ADGRV1: variants seen among roughly 807,000 people sequenced by gnomAD.
The protein encoded by ADGRV1 is G-protein coupled receptor 98.
ADGRV1 carries 359 observed loss-of-function variants against 596.2 expected under a neutral mutation model. The observed-to-expected ratio is 0.60, with a 90% CI of 0.55 to 0.66. The LOEUF (loss-of-function observed/expected upper bound fraction) is 0.66. Among genes scored for constraint, ADGRV1 ranks in the 30% least tolerant of loss-of-function variants. ADGRV1 has a pLI of 0.00. For missense variants in ADGRV1, 7,274 were observed against 7,575.6 expected (o/e 0.96, Z 1.48); for synonymous variants, 2,681 against 2,679.2 (o/e 1.00, Z -0.02).
rs1462655439 is a variant in ADGRV1, at chr5:90,595,280, G to A, written c.23-19555G>A. 4.3e-4 allele frequency among the ~76,000 whole-genome samples: 25 copies of A among 58,496 alleles called. 1 individual carries two copies. The highest frequency in any genetic ancestry group is 2.3e-3 in the African/African-American group (25 of 10,842). 38.4% of individuals were successfully genotyped at this position (58,496 alleles called of 152,430 possible). A position where few individuals can be genotyped will look rare whatever the true frequency, so the allele number is the denominator to read the frequency against. On this transcript the variant is annotated intron_variant, in intron 1 of 89. Coordinates refer to ENST00000405460, the MANE Select transcript of ADGRV1 (RefSeq NM_032119.4). Reference sequence around the variant, plus strand: ...AGAGGGGCTCCTCACTTCCCAGTAGGGGCGGCCGGGCAGAGGCGCCCCTCA... The same window carrying A: ...AGAGGGGCTCCTCACTTCCCAGTAGAGGCGGCCGGGCAGAGGCGCCCCTCA...
rs1323969951 is a variant in ADGRV1, at chr5:90,840,821, C to T, written c.16855C>T (p.Leu5619Phe). Residue 5619 changes from leucine to phenylalanine, a missense_variant, in exon 78 of 90, where the codon CTT (leucine) becomes TTT (phenylalanine). Leu to Phe is a conservative substitution (Grantham distance 22). This residue lies in a region of ADGRV1 where 1,874 missense variants were observed against 1,970.2 expected (regional missense o/e 0.95). Coordinates refer to ENST00000405460, the MANE Select transcript of ADGRV1 (RefSeq NM_032119.4). ...DKVYGTANITLVSDADSQAIW... is the reference protein window; with the variant it reads ...DKVYGTANITFVSDADSQAIW... ...AGTGTATGGGACTGCCAACATCACT[C>T]TTGTCTCAGATGCAGATTCGCAGGC... 3 of 1,613,834 alleles carry T rather than the reference C, an allele frequency of 1.9e-6. No homozygotes were observed. The highest frequency in any genetic ancestry group is 2.5e-6 in the Non-Finnish European group (3 of 1,179,786).
intron 83 of ADGRV1, among the ~76,000 whole-genome samples, chr5:90,908,018 G>C (rs999100462): frequency 6.6e-6 from 1 of 151,742 alleles, no homozygotes; most frequent in African/African-American, 2.4e-5. Flanking sequence ...GCCAGGTTAA[G>C]TTTTCTATTT....
chr5:90,669,252 C>A (rs1233860685), intron 21 of ADGRV1, among the ~76,000 whole-genome samples: 1 of 152,120 alleles, frequency 6.6e-6, no homozygotes, highest in Admixed American at 6.5e-5. Context: ...GAAATTAAAT[C>A]TGATGTTGTA....
intron 61 of ADGRV1, 104 bp from the exon 62 acceptor site, chr5:90,777,801 A>G: frequency 3.8e-6 from 4 of 1,062,656 alleles, no homozygotes; most frequent in Non-Finnish European, 4.0e-6. Context: ...GAAAACTGTT[A>G]TTGAAATGGA....
Position 90,651,730 on chromosome 5 carries a change from G to T in ADGRV1, c.3416G>T (p.Trp1139Leu), listed in dbSNP as rs1768655161. The T allele has an allele frequency of 1.9e-6, 3 of 1,603,114 alleles. No homozygotes were observed. Among genetic ancestry groups the T allele is most frequent in the East Asian group, 4.5e-5 (2 of 44,692 alleles). The part of the protein sequence containing the change: ...AVEEGKTNAF[W>L]ILRHRGYFGS... ...GAAGAAGGAAAGACTAATGCATTTTGGTAAGCATATGTAGATAAGGCAAGT... is the reference window on the plus strand; with the variant it reads ...GAAGAAGGAAAGACTAATGCATTTTTGTAAGCATATGTAGATAAGGCAAGT... The change falls in exon 18 of 90, where the codon TGG (tryptophan) becomes TTG (leucine). Residue 1139 changes from tryptophan to leucine, a missense_variant and splice_region_variant. Trp to Leu is a moderately conservative substitution (Grantham distance 61). Coordinates refer to ENST00000405460, the MANE Select transcript of ADGRV1 (RefSeq NM_032119.4).
intron 83 of ADGRV1, among the ~76,000 whole-genome samples, chr5:90,876,119 C>T (rs1769195886): frequency 6.6e-6 from 1 of 152,036 alleles, no homozygotes; most frequent in Non-Finnish European, 1.5e-5. Context: ...GTATCTGATA[C>T]CACACTCCAA....
chr5:90,992,713 A>T (rs116364350), intron 85 of ADGRV1, among the ~76,000 whole-genome samples: 7 of 152,208 alleles, frequency 4.6e-5, no homozygotes, highest in Non-Finnish European at 1.0e-4. Context: ...AAGCAAAATA[A>T]TGTGATATTT....
chr5:91,069,442 GA>G (rs1205989942), intron 85 of ADGRV1, among the ~76,000 whole-genome samples: 1 of 151,976 alleles, frequency 6.6e-6, no homozygotes, highest in African/African-American at 2.4e-5. Flanking sequence ...CCAAAATGTA[GA>G]CAAAAAACAT....
chr5:91,058,449 T>G (rs922227290), intron 85 of ADGRV1, among the ~76,000 whole-genome samples: 2 of 138,892 alleles, frequency 1.4e-5, no homozygotes, highest in African/African-American at 5.3e-5. Flanking sequence ...CATAAAATCG[T>G]TAGGTAATTG....
intron 50 of ADGRV1, among the ~76,000 whole-genome samples, chr5:90,736,592 G>A (rs1753254440): frequency 6.6e-6 from 1 of 151,986 alleles, no homozygotes; most frequent in Non-Finnish European, 1.5e-5. Flanking sequence ...AAAGGCATCA[G>A]GTTCTGGGAC....
At chr5:90,853,961 G>T in intron 80 of ADGRV1, 101 bp from the exon 81 acceptor site, 1 of 810,218 alleles carries the variant, frequency 1.2e-6, no homozygotes, top group Non-Finnish European at 2.0e-6. Context: ...GAAAACAAAT[G>T]ACTGTAGCTA....
At chr5:90,908,447 G>A (rs903710019) in intron 83 of ADGRV1, among the ~76,000 whole-genome samples, 3 of 152,058 alleles carry the variant, frequency 2.0e-5, no homozygotes, top group Non-Finnish European at 4.4e-5. Flanking sequence ...GCAAATACTA[G>A]TATATACACA....
In ADGRV1 at chr5:90,674,093, C is replaced by T; in HGVS notation, c.4969C>T (p.Leu1657Phe). 6.2e-7 allele frequency: 1 copy of T among 1,612,996 alleles called. No homozygotes were observed. Among genetic ancestry groups the T allele is most frequent in the Non-Finnish European group, 8.5e-7 (1 of 1,179,202 alleles). ...IYVLDDDIPE[L>F]NEYFRVTLVS... ...TGTTCTTGATGATGATATTCCTGAA[C>T]TTAATGAGTATTTCCGTGTGACATT... The change falls in exon 23 of 90, where the codon CTT becomes TTT. Residue 1657 changes from leucine (L) to phenylalanine (F), a missense_variant. By Grantham distance (22) the Leu-to-Phe change is conservative. Transcript: ENST00000405460.
At chr5:90,804,613 A>G (rs1449549492) in intron 71 of ADGRV1, among the ~76,000 whole-genome samples, 1 of 152,226 alleles carries the variant, frequency 6.6e-6, no homozygotes, top group Non-Finnish European at 1.5e-5. Context: ...TCCCAAATTT[A>G]TAGCTATTGA....
Position 90,690,655 on chromosome 5 carries a change from G to A in ADGRV1, c.6707-142G>A, listed in dbSNP as rs1434653507. 4.9e-6 allele frequency: 4 copies of A among 810,220 alleles called. No homozygotes were observed. In the African/African-American group the frequency reaches 5.2e-5, roughly 11 times the overall value. 50.2% of individuals were successfully genotyped at this position (810,220 alleles called of 1,614,324 possible). A position where few individuals can be genotyped will look rare whatever the true frequency, so the allele number is the denominator to read the frequency against. ...GCAGAGCAGACCAATTTGTATCACA[G>A]CATGTTACTCTGGTTTTTGTGGGTT... On this transcript the variant is annotated intron_variant, in intron 30 of 89. Transcript: ENST00000405460.
In ADGRV1 at chr5:90,653,256, G is replaced by A. The variant is rs937125495; in HGVS notation, c.3682G>A (p.Val1228Met). The change falls in exon 20 of 90, where the codon GTG (valine) becomes ATG (methionine). Residue 1228 changes from valine to methionine, a missense_variant. By Grantham distance (21) the Val-to-Met change is conservative (BLOSUM62 1). Transcript: ENST00000405460. Reference protein sequence around the residue: ...GGQLAETNLQVTVMVPFNDDP... With the variant: ...GGQLAETNLQMTVMVPFNDDP... ...CCAGCTAGCAGAAACCAACCTCCAG[G>A]TGACAGTAATGGTTCCATTCAATGA... is the stretch of plus-strand genomic sequence containing the variant. 3 of 1,613,484 alleles carry A rather than the reference G, an allele frequency of 1.9e-6. No individual in the cohort carries two copies. Among genetic ancestry groups the A allele is most frequent in the Non-Finnish European group, 2.5e-6 (3 of 1,179,570 alleles).
chr5:91,121,579 C>G (rs1032228078), intron 87 of ADGRV1, among the ~76,000 whole-genome samples: 1 of 151,962 alleles, frequency 6.6e-6, no homozygotes, highest in East Asian at 1.9e-4. Context: ...AAGTCAGGAC[C>G]TGCAGTTTGG....
chr5:91,005,586 G>T (rs1782202553), intron 85 of ADGRV1, among the ~76,000 whole-genome samples: 1 of 152,024 alleles, frequency 6.6e-6, no homozygotes. Context: ...TGAAAAATCT[G>T]CTTATGCTGC....
chr5:90,810,345 A>T lies in ADGRV1; in HGVS notation c.15085A>T (p.Arg5029Ter). The change falls in exon 74 of 90, where the codon AGA becomes TGA. Residue 5029 changes from arginine (R) to a stop codon, truncating the protein, a stop_gained. Coordinates refer to ENST00000405460, the MANE Select transcript of ADGRV1 (RefSeq NM_032119.4). LOFTEE classifies it high-confidence loss of function. ...DTQMIRLHVQ[R>*]LFGFHSDLIK... Reference sequence around the variant, plus strand: ...ACAGATGATCAGATTACATGTACAAAGACTATTTGGGTTCCACAGCGATCT... The same window carrying T: ...ACAGATGATCAGATTACATGTACAATGACTATTTGGGTTCCACAGCGATCT... The T allele has an allele frequency of 6.2e-7, 1 of 1,613,370 alleles. No homozygotes were observed. Among genetic ancestry groups the T allele is most frequent in the South Asian group, 1.1e-5 (1 of 90,836 alleles).
Sources: allele counts gnomAD v4.1 joint callset (sites outside exome capture counted in the v4.1 genomes callset), GRCh38; gene constraint gnomAD v4.1.1; regional missense constraint gnomAD v4.1.1; transcripts MANE v1.5; gene names NCBI Gene and HGNC (gene_info 2026-07-23, HGNC 2026-07-21).